Variants in AP2M1 observed in about 807,000 individuals in gnomAD.
AP2M1 encodes the protein adaptor related protein complex 2 subunit mu 1.
AP2M1 carries 5 observed loss-of-function variants against 54.5 expected under a neutral mutation model. That is an observed-to-expected ratio of 0.09 (90% CI 0.05 to 0.19). AP2M1 has a LOEUF of 0.19. AP2M1 is among the 10% of genes least tolerant of loss of function. The pLI is 1.00. For synonymous variants in AP2M1, 186 were observed against 208.2 expected (o/e 0.89, Z 0.92); for missense variants, 178 against 580.2 (o/e 0.31, Z 7.12).
chr3:184,175,961 T>C (rs1189978201), intron 1 of AP2M1, among the ~76,000 whole-genome samples: 4 of 152,240 alleles, frequency 2.6e-5, no homozygotes, highest in Non-Finnish European at 4.4e-5. Flanking sequence ...AAGTACTCCC[T>C]GTGAAATTAA....
At position 184,178,153 on chromosome 3, in the gene AP2M1, G is replaced by A; in HGVS notation, c.75-704G>A. 1.3e-6 allele frequency: 2 copies of A among 1,503,964 alleles called. No individual in the cohort carries two copies. Among genetic ancestry groups the A allele is most frequent in the South Asian group, 1.2e-5 (1 of 83,444 alleles). 93.2% of individuals were successfully genotyped at this position (1,503,964 alleles called of 1,614,324 possible). On this transcript the variant is annotated intron_variant, in intron 2 of 11. Transcript: ENST00000292807. The surrounding 1 kb of genome is among the most constrained non-coding windows in gnomAD (Gnocchi z 4.9). ...TGTTGTGTGTCTAACCCTCTCTCTC[G>A]TTGCTATCACTCTCCTCTTCTTGCT...
At position 184,182,274 on chromosome 3, in the gene AP2M1, A is replaced by G. The variant is rs1409990239; in HGVS notation, c.1061+26A>G. The stretch of plus-strand genomic sequence containing the variant: ...GTGAGTCTTTCCTTCATTAGGCCAC[A>G]GCAGGGCTCAAGATCCCAGTATACC... On this transcript the variant is annotated intron_variant, in intron 10 of 11. Coordinates refer to ENST00000292807, the MANE Select transcript of AP2M1 (RefSeq NM_004068.4). The surrounding 1 kb of genome is among the most constrained non-coding windows in gnomAD (Gnocchi z 5.5). 5 of 1,609,386 alleles carry G rather than the reference A, an allele frequency of 3.1e-6. No individual in the cohort carries two copies. The African/African-American group carries it at 4.0e-5, about 13-fold the overall frequency.
rs925061764 is a variant in AP2M1, at chr3:184,182,388, CTT to C, written c.1061+142_1061+143del. ...AGGAGCCTCTGCTTGTACTGTCAGT[CTT>C]TATACCTCCATGTGAGTATGTACAC... On this transcript the variant is annotated intron_variant, in intron 10 of 11. Coordinates refer to ENST00000292807, the MANE Select transcript of AP2M1 (RefSeq NM_004068.4). This position sits in a 1 kb window ranked among gnomAD's most constrained non-coding sequence, Gnocchi z 5.5. 2 of 859,040 alleles carry C rather than the reference CTT, an allele frequency of 2.3e-6. No homozygotes were observed. Among genetic ancestry groups the C allele is most frequent in the African/African-American group, 3.4e-5 (2 of 58,496 alleles). The allele number at this position is 859,040 out of a possible 1,614,324, so 53.2% of individuals were successfully genotyped here.
At position 184,183,774 on chromosome 3, in the gene AP2M1, T is replaced by G; in HGVS notation, c.*158T>G. 1.2e-6 allele frequency: 1 copy of G among 846,858 alleles called. No individual in the cohort carries two copies. Among genetic ancestry groups the G allele is most frequent in the South Asian group, 1.8e-5 (1 of 56,452 alleles). 52.5% of individuals were successfully genotyped at this position (846,858 alleles called of 1,614,324 possible). A position where few individuals can be genotyped will look rare whatever the true frequency, so the allele number is the denominator to read the frequency against. ...AGGTCTGGGCCAAGCACATTACAAG[T>G]GGGACCGGTGGAGCAGCCCCTGGGC... On this transcript the variant is annotated 3_prime_UTR_variant, in exon 12 of 12. Coordinates refer to ENST00000292807, the MANE Select transcript of AP2M1 (RefSeq NM_004068.4). The surrounding 1 kb of genome is among the most constrained non-coding windows in gnomAD (Gnocchi z 5.7).
chr3:184,182,651 TG>T lies in AP2M1; in HGVS notation c.1062-104del. 1.1e-6 allele frequency: 1 copy of T among 899,874 alleles called. No individual in the cohort carries two copies. The highest frequency in any genetic ancestry group is 1.7e-6 in the Non-Finnish European group (1 of 575,728). The allele number at this position is 899,874 out of a possible 1,614,324, so 55.7% of individuals were successfully genotyped here. Reference sequence around the variant, plus strand: ...GGGTCCTGACCACTTCTCCTTGTTCTGGCACCTCCTGCAAGCTCCTGGGCTC... The same window carrying T: ...GGGTCCTGACCACTTCTCCTTGTTCTGCACCTCCTGCAAGCTCCTGGGCTC... On this transcript the variant is annotated intron_variant, in intron 10 of 11. Coordinates refer to ENST00000292807, the MANE Select transcript of AP2M1 (RefSeq NM_004068.4). The surrounding 1 kb of genome is among the most constrained non-coding windows in gnomAD (Gnocchi z 5.5).
chr3:184,180,587 CCTT>C lies in AP2M1; in HGVS notation c.424-57_424-55del. On this transcript the variant is annotated intron_variant, in intron 4 of 11. Coordinates refer to ENST00000292807, the MANE Select transcript of AP2M1 (RefSeq NM_004068.4). The surrounding 1 kb of genome is among the most constrained non-coding windows in gnomAD (Gnocchi z 4.9). ...GATCCAAGCCTCATAGCTTTCTCCT[CCTT>C]TTCTGCCTCCCTTGCTGCTTCATGT... 6.2e-7 allele frequency: 1 copy of C among 1,612,548 alleles called. No individual in the cohort carries two copies.
Position 184,182,279 on chromosome 3 carries a change from G to T in AP2M1, c.1061+31G>T. ...TCTTTCCTTCATTAGGCCACAGCAGGGCTCAAGATCCCAGTATACCCTCTT... is the reference window on the plus strand; with the variant it reads ...TCTTTCCTTCATTAGGCCACAGCAGTGCTCAAGATCCCAGTATACCCTCTT... On this transcript the variant is annotated intron_variant, in intron 10 of 11. Coordinates refer to ENST00000292807, the MANE Select transcript of AP2M1 (RefSeq NM_004068.4). This position sits in a 1 kb window ranked among gnomAD's most constrained non-coding sequence, Gnocchi z 5.5. 1 of 1,606,488 alleles carries T rather than the reference G, an allele frequency of 6.2e-7. No homozygotes were observed. Among genetic ancestry groups the T allele is most frequent in the Non-Finnish European group, 8.5e-7 (1 of 1,175,586 alleles).
chr3:184,183,953 CCCTCA>C lies in AP2M1; in HGVS notation c.*343_*347del. On this transcript the variant is annotated 3_prime_UTR_variant, in exon 12 of 12. Transcript: ENST00000292807. The surrounding 1 kb of genome is among the most constrained non-coding windows in gnomAD (Gnocchi z 5.7). ...GCTCTGGAGTGGGAGGGTTGGTTGCCCCTCACCTCAGAGCTCCCCCAAAGGCCAGT... is the reference window on the plus strand; with the variant it reads ...GCTCTGGAGTGGGAGGGTTGGTTGCCCCTCAGAGCTCCCCCAAAGGCCAGT... The C allele has an allele frequency of 3.7e-6, 1 of 273,250 alleles. No homozygotes were observed. The highest frequency in any genetic ancestry group is 7.5e-5 in the East Asian group (1 of 13,384). 16.9% of individuals were successfully genotyped at this position (273,250 alleles called of 1,614,324 possible).
chr3:184,175,294 C>T (rs956411588), intron 1 of AP2M1, among the ~76,000 whole-genome samples: 1 of 152,146 alleles, frequency 6.6e-6, no homozygotes, highest in African/African-American at 2.4e-5. Flanking sequence ...GGACAATTTC[C>T]CCGTCTCGTA....
chr3:184,176,595 TAGTG>T (rs1388431047), intron 1 of AP2M1, among the ~76,000 whole-genome samples: 1 of 151,652 alleles, frequency 6.6e-6, no homozygotes, highest in Non-Finnish European at 1.5e-5. Flanking sequence ...AGGCAAGCCT[TAGTG>T]AGTCACTGGC....
In AP2M1 at chr3:184,182,705, C is replaced by G. The variant is rs1715313678; in HGVS notation, c.1062-52C>G. 2.6e-6 allele frequency: 4 copies of G among 1,549,606 alleles called. No individual in the cohort carries two copies. The African/African-American group carries it at 5.4e-5, about 21-fold the overall frequency. ...TCCTTGCTTGAAATGGGCAACTGCC[C>G]TTGAAACTCCTCCAAGCCCCAATGG... On this transcript the variant is annotated intron_variant, in intron 10 of 11. Transcript: ENST00000292807. This position sits in a 1 kb window ranked among gnomAD's most constrained non-coding sequence, Gnocchi z 5.5.
chr3:184,180,516 G>A lies in AP2M1; in HGVS notation c.424-129G>A. The A allele has an allele frequency of 6.9e-7, 1 of 1,456,094 alleles. No individual in the cohort carries two copies. Among genetic ancestry groups the A allele is most frequent in the Non-Finnish European group, 9.5e-7 (1 of 1,057,200 alleles). 90.2% of individuals were successfully genotyped at this position (1,456,094 alleles called of 1,614,324 possible). On this transcript the variant is annotated intron_variant, in intron 4 of 11. Coordinates refer to ENST00000292807, the MANE Select transcript of AP2M1 (RefSeq NM_004068.4). This position sits in a 1 kb window ranked among gnomAD's most constrained non-coding sequence, Gnocchi z 4.9. ...GGTGGGGGAGGAGGCCTGGTCTTGA[G>A]GCCTGGTATTCCTCAGGAGGAGCGA...
rs1715305750 is a variant in AP2M1 at position 184,182,464 on chromosome 3, ATTTCCCTT to A, written c.1061+218_1061+225del. ...TGCTTATTTTTTAAGATGCTTTGGC[ATTTCCCTT>A]TGTAATGTATACATTACAAAGGGAA... is the stretch of plus-strand genomic sequence containing the variant. On this transcript the variant is annotated intron_variant, in intron 10 of 11. Coordinates refer to ENST00000292807, the MANE Select transcript of AP2M1 (RefSeq NM_004068.4). This position sits in a 1 kb window ranked among gnomAD's most constrained non-coding sequence, Gnocchi z 5.5. Among the ~76,000 whole-genome samples the A allele has an allele frequency of 6.6e-6, 1 of 152,012 alleles. No individual in the cohort carries two copies. The highest frequency in any genetic ancestry group is 6.5e-5 in the Admixed American group (1 of 15,270).
chr3:184,183,637 C>CA lies in AP2M1; in HGVS notation c.*22dup. On this transcript the variant is annotated 3_prime_UTR_variant, in exon 12 of 12. Transcript: ENST00000292807. This position sits in a 1 kb window ranked among gnomAD's most constrained non-coding sequence, Gnocchi z 5.7. Reference sequence around the variant, plus strand: ...GCTAGCTGCCACTAGGCAGCTAGCCCACCTCCCCAGCCACCCTCCTCCACA... The same window carrying CA: ...GCTAGCTGCCACTAGGCAGCTAGCCCAACCTCCCCAGCCACCCTCCTCCACA... The CA allele has an allele frequency of 6.2e-7, 1 of 1,610,410 alleles. No homozygotes were observed. The highest frequency in any genetic ancestry group is 8.5e-7 in the Non-Finnish European group (1 of 1,179,142).
Position 184,182,988 on chromosome 3 carries a change from G to C in AP2M1, c.1173+120G>C, listed in dbSNP as rs771038660. On this transcript the variant is annotated intron_variant, in intron 11 of 11. Coordinates refer to ENST00000292807, the MANE Select transcript of AP2M1 (RefSeq NM_004068.4). This position sits in a 1 kb window ranked among gnomAD's most constrained non-coding sequence, Gnocchi z 5.5. ...AACTGAGGCCTAGAAAGAAGAACTG[G>C]CTTTAATTCATAGATCCATTCTTCC... 3 of 838,752 alleles carry C rather than the reference G, an allele frequency of 3.6e-6. No individual in the cohort carries two copies. In the South Asian group the frequency reaches 4.3e-5, roughly 12 times the overall value. 52.0% of individuals were successfully genotyped at this position (838,752 alleles called of 1,614,324 possible).
intron 2 of AP2M1, chr3:184,177,508 C>T: frequency 1.3e-6 from 2 of 1,526,564 alleles, no homozygotes; most frequent in Non-Finnish European, 1.8e-6. Context: ...AAAGCCCCTC[C>T]AGGCTGCCCA....
chr3:184,181,836 G>A lies in AP2M1; in HGVS notation c.827+21G>A, dbSNP rs1406863797. The A allele has an allele frequency of 1.2e-6, 2 of 1,614,154 alleles. No individual in the cohort carries two copies. Among genetic ancestry groups the A allele is most frequent in the East Asian group, 2.2e-5 (1 of 44,876 alleles). ...ATGAGGTGCCATTGGGGTGTGAGGA[G>A]GCAGCTAGTGCTGCTGGCAGACTGG... On this transcript the variant is annotated intron_variant, in intron 8 of 11. Coordinates refer to ENST00000292807, the MANE Select transcript of AP2M1 (RefSeq NM_004068.4). This position sits in a 1 kb window ranked among gnomAD's most constrained non-coding sequence, Gnocchi z 5.7.
At position 184,174,951 on chromosome 3, in the gene AP2M1, G is replaced by C; in HGVS notation, c.-52G>C. On this transcript the variant is annotated 5_prime_UTR_variant, in exon 1 of 12. Coordinates refer to ENST00000292807, the MANE Select transcript of AP2M1 (RefSeq NM_004068.4). The stretch of plus-strand genomic sequence containing the variant: ...CCGGGCCGGCAGAGCAGGGGGCCGA[G>C]GACACCAGGTGAGCCGGGGATCTGG... 1 of 398,854 alleles carries C rather than the reference G, an allele frequency of 2.5e-6. No homozygotes were observed. Among genetic ancestry groups the C allele is most frequent in the Non-Finnish European group, 4.4e-6 (1 of 226,234 alleles). 24.7% of individuals were successfully genotyped at this position (398,854 alleles called of 1,614,324 possible). A position where few individuals can be genotyped will look rare whatever the true frequency, so the allele number is the denominator to read the frequency against.
At chr3:184,179,181 C>T in intron 3 of AP2M1, 59 bp downstream of exon 3, 4 of 1,589,972 alleles carry the variant, frequency 2.5e-6, no homozygotes, top group Non-Finnish European at 3.4e-6. Context: ...CAGGCTGGGC[C>T]TGGCCTGAAG....
Sources: gnomAD v4.1 joint callset for allele counts (sites outside exome capture counted in the v4.1 genomes callset) on GRCh38, gnomAD v4.1.1 for gene constraint, Gnocchi (gnomAD v3.1) non-coding constraint, MANE v1.5 for transcripts, NCBI Gene and HGNC (gene_info 2026-07-23, HGNC 2026-07-21) for gene names.